Variants in IKBKG observed in about 807,000 individuals in gnomAD.
IKBKG encodes the protein inhibitor of nuclear factor kappa B kinase regulatory subunit gamma, also known as NF-kappa-B essential modulator.
Under a neutral mutation model 13.7 loss-of-function variants are expected in IKBKG, and 2 were observed. The observed-to-expected ratio is 0.15, with a 90% CI of 0.06 to 0.46. The LOEUF (loss-of-function observed/expected upper bound fraction) is 0.46. IKBKG is among the 20% of genes least tolerant of loss of function. IKBKG has a pLI of 0.98. For missense variants in IKBKG, 53 were observed against 150.3 expected (o/e 0.35, Z 3.39); for synonymous variants, 22 against 64.4 (o/e 0.34, Z 3.15).
chrX:154,548,072 A>G (rs1205214286), intron 1 of IKBKG: 2 of 754,679 alleles, frequency 2.7e-6, no homozygotes, highest in South Asian at 6.7e-5. Flanking sequence ...AATGCCTCAC[A>G]TATAGTTTGG....
upstream of IKBKG, chrX:154,546,825 C>T: frequency 8.6e-7 from 1 of 1,160,782 alleles, no homozygotes; most frequent in Non-Finnish European, 1.1e-6. Context: ...CGCTCGCAGC[C>T]CCGAAGTGTA....
At chrX:154,546,524 CT>C (rs1190923834), upstream of IKBKG, among the ~76,000 whole-genome samples, 5 of 111,661 alleles carry the variant, frequency 4.5e-5, no homozygotes, top group African/African-American at 6.5e-5. Context: ...CCACAATGAC[CT>C]GGAGCATGGG....
At chrX:154,544,055 A>C (rs782121298), upstream of IKBKG, among the ~76,000 whole-genome samples, 18 of 109,330 alleles carry the variant, frequency 1.6e-4, no homozygotes, top group Middle Eastern at 4.6e-3. Context: ...TAGAGACGGG[A>C]TTTCACCATG....
At position 154,552,168 on chromosome X, in the gene IKBKG, G is replaced by A; in HGVS notation, c.166G>A (p.Glu56Lys). 8.4e-7 allele frequency: 1 copy of A among 1,192,478 alleles called. No homozygotes were observed. Among genetic ancestry groups the A allele is most frequent in the Non-Finnish European group, 1.1e-6 (1 of 883,115 alleles). ...GAPETLQRCL[E>K]ENQELRDAIR... is the part of the protein sequence containing the mutation. ...TCCTGAGACCCTCCAGCGCTGCCTG[G>A]AGGAGAATCAAGAGCTCCGAGGTGA... is the stretch of plus-strand genomic sequence containing the variant. Residue 56 changes from glutamate to lysine, a missense_variant, in exon 2 of 10, where the codon GAG becomes AAG. By Grantham distance (56) the Glu-to-Lys change is moderately conservative (BLOSUM62 1). This residue lies in a region of IKBKG where 47 missense variants were observed against 50.0 expected (regional missense o/e 0.94). Transcript: ENST00000594239.
chrX:154,544,328 A>AT (rs1355167356), upstream of IKBKG, among the ~76,000 whole-genome samples: 13 of 108,343 alleles, frequency 1.2e-4, no homozygotes, highest in African/African-American at 3.4e-4. Flanking sequence ...CGCCCAGCTA[A>AT]TTTTTGTATT....
At chrX:154,548,892 T>C (rs1303647455) in intron 1 of IKBKG, among the ~76,000 whole-genome samples, 2 of 111,262 alleles carry the variant, frequency 1.8e-5, no homozygotes, top group Admixed American at 1.9e-4. Context: ...CATTCACAGC[T>C]ACCAACTTCA....
intron 1 of IKBKG, among the ~76,000 whole-genome samples, chrX:154,550,550 C>G (rs1167238950): frequency 3.7e-5 from 4 of 108,643 alleles, no homozygotes; most frequent in Non-Finnish European, 7.6e-5. Flanking sequence ...AATGAAGTTA[C>G]AGAGAAGAAG....
At chrX:154,547,558 C>A (rs1183972756), upstream of IKBKG, 15 of 754,223 alleles carry the variant, frequency 2.0e-5, no homozygotes, top group Admixed American at 1.7e-4. Flanking sequence ...TTCTCGCCGG[C>A]TTCCCGAGTT....
At chrX:154,547,572 G>T (rs898562211), upstream of IKBKG, 12 of 754,105 alleles carry the variant, frequency 1.6e-5, no homozygotes, top group African/African-American at 1.1e-4. Context: ...CCGAGTTCTC[G>T]GGGGCGGGGC....
intron 1 of IKBKG, among the ~76,000 whole-genome samples, chrX:154,550,749 T>C (rs1233963553): frequency 1.8e-5 from 2 of 111,143 alleles, no homozygotes; most frequent in African/African-American, 3.3e-5. Flanking sequence ...CAAGCGATTC[T>C]CTTGCTTCGG....
upstream of IKBKG, chrX:154,547,213 C>T: frequency 5.9e-6 from 3 of 510,796 alleles, no homozygotes; most frequent in South Asian, 9.9e-5. Context: ...GAGGGCTCCA[C>T]TTCCGCCGGC....
At chrX:154,544,574 C>T (rs1416713018), upstream of IKBKG, among the ~76,000 whole-genome samples, 5 of 112,626 alleles carry the variant, frequency 4.4e-5, no homozygotes, top group Non-Finnish European at 9.4e-5. Flanking sequence ...GGAATACAGG[C>T]GTGAGCCACC....
intron 1 of IKBKG, among the ~76,000 whole-genome samples, chrX:154,551,169 C>T (rs2070921312): frequency 1.9e-5 from 2 of 105,436 alleles, no homozygotes; most frequent in Non-Finnish European, 3.9e-5. Flanking sequence ...AGGCTGGTCT[C>T]GATCTCCTGA....
At chrX:154,547,613 T>A, upstream of IKBKG, 1 of 754,689 alleles carries the variant, frequency 1.3e-6, no homozygotes, top group South Asian at 6.7e-5. Flanking sequence ...CCCACAGCTA[T>A]GACACCGGAA....
upstream of IKBKG, chrX:154,547,428 C>G: frequency 1.3e-6 from 1 of 754,972 alleles, no homozygotes; most frequent in Non-Finnish European, 1.6e-6. Context: ...GGCGTGTAGG[C>G]GGTGACGCCC....
upstream of IKBKG, among the ~76,000 whole-genome samples, chrX:154,546,346 C>T (rs782413778): frequency 2.7e-5 from 3 of 112,308 alleles, no homozygotes; most frequent in Admixed American, 9.4e-5. Context: ...GCTCTGGGCT[C>T]CAGCCACTCT....
chrX:154,543,163 C>G (rs1055926175), upstream of IKBKG, among the ~76,000 whole-genome samples: 5 of 112,270 alleles, frequency 4.5e-5, no homozygotes, highest in African/African-American at 1.3e-4. Context: ...AAACAAACCA[C>G]GAGGCTCTTC....
upstream of IKBKG, chrX:154,546,814 G>A (rs1557233521): frequency 7.8e-6 from 9 of 1,161,209 alleles, no homozygotes; most frequent in African/African-American, 9.0e-5. Context: ...GTCGCCCTCC[G>A]CGCTCGCAGC....
intron 1 of IKBKG, among the ~76,000 whole-genome samples, chrX:154,549,114 C>CT (rs1402859080): frequency 8.3e-5 from 9 of 108,653 alleles, no homozygotes; most frequent in African/African-American, 3.0e-4. Flanking sequence ...GCCTCAGCCG[C>CT]TGGGACTACA....
Sources: allele counts gnomAD v4.1 joint callset (sites outside exome capture counted in the v4.1 genomes callset), GRCh38; gene constraint gnomAD v4.1.1; regional missense constraint gnomAD v4.1.1; transcripts MANE v1.5; gene names NCBI Gene and HGNC (gene_info 2026-07-23, HGNC 2026-07-21).